Variants in ITGA9 observed in about 807,000 individuals in gnomAD.
ITGA9 encodes integrin subunit alpha 9.
A neutral mutation model predicts 127.8 loss-of-function variants in ITGA9; 56 were observed. That is an observed-to-expected ratio of 0.44 (90% CI 0.35 to 0.55). The LOEUF (loss-of-function observed/expected upper bound fraction) is 0.55, where lower values mean the gene tolerates loss of function less well. ITGA9 is among the 20% of genes least tolerant of loss of function. The pLI, the probability that ITGA9 is intolerant of heterozygous loss-of-function variation, is 0.00. For synonymous variants in ITGA9, 508 were observed against 514.5 expected (o/e 0.99, Z 0.17); for missense variants, 1,196 against 1,347.1 (o/e 0.89, Z 1.76).
chr3:37,699,472 ATC>A (rs1245738145), intron 18 of ITGA9, among the ~76,000 whole-genome samples: 4 of 152,184 alleles, frequency 2.6e-5, no homozygotes, highest in Non-Finnish European at 5.9e-5. Context: ...CCTACAGAGT[ATC>A]TCATAATCCA....
intron 4 of ITGA9, among the ~76,000 whole-genome samples, chr3:37,492,858 G>T (rs1337060184): frequency 6.6e-6 from 1 of 152,184 alleles, no homozygotes; most frequent in Admixed American, 6.5e-5. Flanking sequence ...GAGACATTTT[G>T]ATCCTTTTTG....
At chr3:37,732,661 CA>C (rs1559581601) in intron 18 of ITGA9, 50 bp from the exon 19 acceptor site, 2 of 1,431,848 alleles carry the variant, frequency 1.4e-6, no homozygotes, top group Non-Finnish European at 1.9e-6. Flanking sequence ...CCTGCTCCCA[CA>C]CACCTGCCTT....
chr3:37,724,841 T>C (rs1480509475), intron 18 of ITGA9, among the ~76,000 whole-genome samples: 2 of 152,184 alleles, frequency 1.3e-5, no homozygotes, highest in African/African-American at 4.8e-5. Flanking sequence ...CCATTCTGTG[T>C]CTGACATCTT....
intron 1 of ITGA9, among the ~76,000 whole-genome samples, chr3:37,468,417 C>T (rs1393689467): frequency 6.6e-6 from 1 of 152,110 alleles, no homozygotes; most frequent in Non-Finnish European, 1.5e-5. Context: ...ATGGGACCCA[C>T]ACACATTCCC....
intron 25 of ITGA9, among the ~76,000 whole-genome samples, chr3:37,780,357 T>G (rs1210174618): frequency 6.6e-6 from 1 of 152,218 alleles, no homozygotes; most frequent in Non-Finnish European, 1.5e-5. Context: ...TTCCACTCTT[T>G]ATGCCTATGG....
intron 18 of ITGA9, among the ~76,000 whole-genome samples, chr3:37,686,681 G>A (rs921027065): frequency 6.6e-6 from 1 of 152,086 alleles, no homozygotes; most frequent in Non-Finnish European, 1.5e-5. Flanking sequence ...CAGGCTCTTC[G>A]GGACGTGGTG....
At position 37,640,740 on chromosome 3, in the gene ITGA9, TG is replaced by T. The variant is rs367735405; in HGVS notation, c.1839+11408del. Among the ~76,000 whole-genome samples, 755 of 152,314 alleles carry T rather than the reference TG, an allele frequency of 5.0e-3. 5 individuals carry two copies. The highest frequency in any genetic ancestry group is 0.027 in the Middle Eastern group (8 of 294). On this transcript the variant is annotated intron_variant, in intron 16 of 27. Transcript: ENST00000264741. ...GGGCTTCTTTCCTCCCTGGGCTCTC[TG>T]GGGAAGGAGCACAGGCTGTGCAGTG... is the stretch of plus-strand genomic sequence containing the variant.
chr3:37,752,985 C>T lies in ITGA9; in HGVS notation c.2541+2416C>T, dbSNP rs78682233. Among the ~76,000 whole-genome samples the T allele has an allele frequency of 1.1e-3, 172 of 152,238 alleles. 1 individual carries two copies. The highest frequency in any genetic ancestry group is 3.9e-3 in the African/African-American group (161 of 41,518). On this transcript the variant is annotated intron_variant, in intron 23 of 27. Transcript: ENST00000264741. ...TGTATTTACCTTAAAAACAGAGCCA[C>T]GGTGGTGGCCTGAGGAAAGACTATC...
At chr3:37,466,338 C>A (rs1283736759) in intron 1 of ITGA9, among the ~76,000 whole-genome samples, 1 of 151,666 alleles carries the variant, frequency 6.6e-6, no homozygotes, top group Non-Finnish European at 1.5e-5. Flanking sequence ...TAAAAATTAG[C>A]GGGGCGTGGT....
intron 16 of ITGA9, among the ~76,000 whole-genome samples, chr3:37,641,512 C>T (rs765879000): frequency 3.0e-4 from 45 of 152,182 alleles, no homozygotes; most frequent in South Asian, 1.0e-3. Flanking sequence ...AACCAGAACT[C>T]GGGAGCCAGC....
rs1028654313 is a variant in ITGA9, at chr3:37,799,272, G to C, written c.2890-4551G>C. ...TGACTCACTGCAGCCTCCACCTCCC[G>C]GGCTCAAGTGATTCTCCTGCCTCAG... On this transcript the variant is annotated intron_variant, in intron 26 of 27. Coordinates refer to ENST00000264741, the MANE Select transcript of ITGA9 (RefSeq NM_002207.3). This position sits in a 1 kb window ranked among gnomAD's most constrained non-coding sequence, Gnocchi z 4.0. Among the ~76,000 whole-genome samples, 1 of 151,930 alleles carries C rather than the reference G, an allele frequency of 6.6e-6. No individual in the cohort carries two copies. The highest frequency in any genetic ancestry group is 1.5e-5 in the Non-Finnish European group (1 of 67,990).
chr3:37,605,739 T>C lies in ITGA9; in HGVS notation c.1690-23448T>C, dbSNP rs1699961919. On this transcript the variant is annotated intron_variant, in intron 15 of 27. Transcript: ENST00000264741. The stretch of plus-strand genomic sequence containing the variant: ...TGGGAAAACGACTCAGCTGCCCCTA[T>C]ATAAGGAATATGTTATTACAGTCCG... Among the ~76,000 whole-genome samples, 5 of 152,156 alleles carry C rather than the reference T, an allele frequency of 3.3e-5. No individual in the cohort carries two copies. The South Asian group carries it at 1.0e-3, about 32-fold the overall frequency.
At chr3:37,556,461 G>A (rs183045834) in intron 15 of ITGA9, among the ~76,000 whole-genome samples, 2 of 152,322 alleles carry the variant, frequency 1.3e-5, no homozygotes, top group Admixed American at 1.3e-4. Context: ...GAAGAGAAGA[G>A]GGCAAATGGT....
intron 15 of ITGA9, among the ~76,000 whole-genome samples, chr3:37,564,226 G>A (rs1171843542): frequency 6.6e-6 from 1 of 152,166 alleles, no homozygotes; most frequent in Non-Finnish European, 1.5e-5. Context: ...TTGGCTTTAT[G>A]CCTTCATATA....
intron 18 of ITGA9, among the ~76,000 whole-genome samples, chr3:37,702,197 C>T (rs999868791): frequency 5.9e-5 from 9 of 152,154 alleles, no homozygotes; most frequent in African/African-American, 2.2e-4. Context: ...TATAGCCTCA[C>T]AATGAGCCAT....
chr3:37,525,892 ATAGCCCAGAC>A (rs1699087929), intron 12 of ITGA9, 124 bp from the exon 13 acceptor site: 1 of 755,204 alleles, frequency 1.3e-6, no homozygotes, highest in Admixed American at 1.9e-5. Context: ...AGATCATTGT[ATAGCCCAGAC>A]AGTGGTCGTC....
chr3:37,747,266 T>G (rs575271657), intron 22 of ITGA9, among the ~76,000 whole-genome samples: 3 of 152,294 alleles, frequency 2.0e-5, no homozygotes, highest in African/African-American at 4.8e-5. Context: ...TCATTTTAAT[T>G]TTTGTGAGTA....
chr3:37,706,152 G>T (rs1382603741), intron 18 of ITGA9, among the ~76,000 whole-genome samples: 2 of 152,138 alleles, frequency 1.3e-5, no homozygotes, highest in Non-Finnish European at 2.9e-5. Context: ...TTACACTCTG[G>T]TTCCATCTCC....
At chr3:37,535,771 T>C (rs1476288767) in intron 14 of ITGA9, among the ~76,000 whole-genome samples, 2 of 152,152 alleles carry the variant, frequency 1.3e-5, no homozygotes, top group East Asian at 3.8e-4. Flanking sequence ...TTAAAGGGGA[T>C]GGTAACTGGA....
Sources: allele counts gnomAD v4.1 joint callset (sites outside exome capture counted in the v4.1 genomes callset), GRCh38; gene constraint gnomAD v4.1.1; non-coding constraint Gnocchi (gnomAD v3.1); transcripts MANE v1.5; gene names NCBI Gene and HGNC (gene_info 2026-07-23, HGNC 2026-07-21).